The following CACNA1C variants were observed in gnomAD, a reference collection of about 807,000 sequenced individuals.
The protein encoded by CACNA1C is calcium voltage-gated channel subunit alpha1 C, also known as voltage-dependent L-type calcium channel subunit alpha-1C.
In CACNA1C, 30 loss-of-function variants were observed where a neutral mutation model predicts 229.0. The observed-to-expected ratio is 0.13, with a 90% confidence interval of 0.10 to 0.18. The LOEUF is 0.18. Ranked by LOEUF, CACNA1C falls within the 10% of genes least tolerant of loss-of-function variation. CACNA1C has a pLI of 1.00. For missense variants in CACNA1C, 1,658 were observed against 2,845.0 expected, an observed-to-expected ratio of 0.58 and a Z score of 9.49; for synonymous variants, 1,114 against 1,132.5, an observed-to-expected ratio of 0.98 and a Z score of 0.33.
At chr12:2,066,994 C>T (rs1194551014) in intron 1 of CACNA1C, among the ~76,000 whole-genome samples, 1 of 152,054 alleles carries the variant, frequency 6.6e-6, no homozygotes, top group Non-Finnish European at 1.5e-5. Context: ...CCAAAGAAAT[C>T]CACAAGGGTG....
chr12:2,192,012 G>A (rs1566273972), intron 3 of CACNA1C, among the ~76,000 whole-genome samples: 2 of 149,032 alleles, frequency 1.3e-5, no homozygotes, highest in East Asian at 2.0e-4. Context: ...ACACACATAC[G>A]TTCACACATA....
chr12:2,114,829 A>C (rs957509818), intron 1 of CACNA1C, among the ~76,000 whole-genome samples: 50 of 152,354 alleles, frequency 3.3e-4, no homozygotes, highest in African/African-American at 1.1e-3. Flanking sequence ...TTCCTTAAAC[A>C]ATCATTCTAT....
chr12:2,380,087 TC>T (rs1007872343), intron 3 of CACNA1C, among the ~76,000 whole-genome samples: 1 of 151,788 alleles, frequency 6.6e-6, no homozygotes, highest in Admixed American at 6.6e-5. Flanking sequence ...GTCCCCTGGT[TC>T]CCATCCCCAC....
Position 2,677,935 on chromosome 12 carries a change from G to GT in CACNA1C, c.5091+72dup, listed in dbSNP as rs918945465. The GT allele has an allele frequency of 1.3e-6, 2 of 1,576,060 alleles. No homozygotes were observed. The highest frequency in any genetic ancestry group is 3.4e-5 in the Admixed American group (2 of 59,542). On this transcript the variant is annotated intron_variant, in intron 41 of 46. Transcript: ENST00000399655. The surrounding 1 kb of genome is among the most constrained non-coding windows in gnomAD (Gnocchi z 7.4). ...GTTTGGAGCAAGAGGTTGGGCTGGG[G>GT]TTTTGCGGGGAACGTCCAGGGGAAG...
intron 3 of CACNA1C, among the ~76,000 whole-genome samples, chr12:2,200,919 A>C (rs943602709): frequency 6.6e-6 from 1 of 152,216 alleles, no homozygotes; most frequent in East Asian, 1.9e-4. Flanking sequence ...AAAGAGGGCC[A>C]TTCACTCTGG....
chr12:2,025,028 A>T (rs549248088), intron 1 of CACNA1C, among the ~76,000 whole-genome samples: 6 of 152,300 alleles, frequency 3.9e-5, no homozygotes, highest in South Asian at 2.1e-4. Flanking sequence ...AACTTCATTT[A>T]TGCATTTGTC....
intron 3 of CACNA1C, among the ~76,000 whole-genome samples, chr12:2,193,813 A>C (rs1056550817): frequency 6.6e-6 from 1 of 152,130 alleles, no homozygotes; most frequent in East Asian, 1.9e-4. Flanking sequence ...GCCAGTCTTT[A>C]TTTTCTACCT....
chr12:2,026,843 T>C (rs1042690819), intron 1 of CACNA1C, among the ~76,000 whole-genome samples: 10 of 152,354 alleles, frequency 6.6e-5, no homozygotes, highest in African/African-American at 2.2e-4. Flanking sequence ...TCTTTTCTTA[T>C]GAAGTACTAT....
intron 3 of CACNA1C, among the ~76,000 whole-genome samples, chr12:2,352,600 G>A (rs946049066): frequency 2.6e-5 from 4 of 151,994 alleles, no homozygotes; most frequent in African/African-American, 7.3e-5. Flanking sequence ...TATTTGTTGG[G>A]GGAAATAGAC....
chr12:2,101,025 GA>G (rs932184676), intron 1 of CACNA1C, among the ~76,000 whole-genome samples: 1 of 148,592 alleles, frequency 6.7e-6, no homozygotes, highest in African/African-American at 2.5e-5. Context: ...AAAGAAAAAA[GA>G]AAAAAAATTG....
chr12:2,311,492 G>A (rs889895951), intron 3 of CACNA1C, among the ~76,000 whole-genome samples: 4 of 152,136 alleles, frequency 2.6e-5, no homozygotes, highest in African/African-American at 7.2e-5. Flanking sequence ...ACAGTGAAAC[G>A]GGAACCAAGC....
chr12:2,341,955 G>C (rs2096877167), intron 3 of CACNA1C, among the ~76,000 whole-genome samples: 1 of 152,166 alleles, frequency 6.6e-6, no homozygotes, highest in East Asian at 1.9e-4. Flanking sequence ...CCTCGGATTT[G>C]GGGAGTGTTA....
intron 3 of CACNA1C, among the ~76,000 whole-genome samples, chr12:2,330,250 G>A (rs531258426): frequency 5.3e-5 from 8 of 152,304 alleles, no homozygotes; most frequent in South Asian, 2.1e-4. Context: ...ATGAGATGCC[G>A]GGGAAGACCT....
At chr12:2,477,494 G>A (rs781664181) in intron 5 of CACNA1C, among the ~76,000 whole-genome samples, 24 of 152,138 alleles carry the variant, frequency 1.6e-4, no homozygotes, top group Non-Finnish European at 2.6e-4. Context: ...CTACAGTTGC[G>A]CTACCACATC....
At chr12:2,482,921 T>C (rs1227084000) in intron 5 of CACNA1C, among the ~76,000 whole-genome samples, 1 of 152,246 alleles carries the variant, frequency 6.6e-6, no homozygotes, top group East Asian at 1.9e-4. Flanking sequence ...CCTGTGCCTT[T>C]TCACCATTCC....
intron 3 of CACNA1C, among the ~76,000 whole-genome samples, chr12:2,143,549 A>G (rs1410469639): frequency 6.6e-6 from 1 of 151,304 alleles, no homozygotes; most frequent in Non-Finnish European, 1.5e-5. Flanking sequence ...TACAGTGTTC[A>G]GTACAGTCTC....
chr12:2,478,010 G>A (rs899644000), intron 5 of CACNA1C, among the ~76,000 whole-genome samples: 10 of 152,096 alleles, frequency 6.6e-5, no homozygotes, highest in African/African-American at 2.4e-4. Context: ...CATGTACTTA[G>A]TGGTGACTAT....
rs149530849 is a variant in CACNA1C, at chr12:2,623,942, C to T, written c.3829-10355C>T. ...AGACAGTGGCTCCGGAGCCGCCATC[C>T]GTGCCGTGCTCAGCAGGACTTAGCA... On this transcript the variant is annotated intron_variant, in intron 29 of 46. Transcript: ENST00000399655. Among the ~76,000 whole-genome samples the T allele has an allele frequency of 4.6e-4, 70 of 152,282 alleles. No homozygotes were observed. The East Asian group carries it at 0.013, about 28-fold the overall frequency.
chr12:2,092,532 T>C (rs1011913081), intron 1 of CACNA1C, among the ~76,000 whole-genome samples: 58 of 152,152 alleles, frequency 3.8e-4, no homozygotes, highest in African/African-American at 1.3e-3. Flanking sequence ...TTGTTTGTTC[T>C]CTTTGGGACA....
Sources: gnomAD v4.1 joint callset for allele counts (sites outside exome capture counted in the v4.1 genomes callset) on GRCh38, gnomAD v4.1.1 for gene constraint, Gnocchi (gnomAD v3.1) non-coding constraint, MANE v1.5 for transcripts, NCBI Gene and HGNC (gene_info 2026-07-23, HGNC 2026-07-21) for gene names.